Variants in GMCL1 observed in about 807,000 individuals in gnomAD.
GMCL1 encodes the protein germ cell-less 1, spermatogenesis associated, also known as germ cell-less protein-like 1.
Under a neutral mutation model 75.5 loss-of-function variants are expected in GMCL1, and 54 were observed. That is an observed-to-expected ratio of 0.71 (90% CI 0.57 to 0.90). GMCL1 has a LOEUF of 0.90. GMCL1 is among the 40% of genes least tolerant of loss of function. The pLI is 0.00. For missense variants in GMCL1, 537 were observed against 622.7 expected (o/e 0.86, Z 1.47); for synonymous variants, 210 against 209.6 (o/e 1.00, Z -0.02).
chr2:69,845,924 T>C (rs151303546), intron 6 of GMCL1, among the ~76,000 whole-genome samples: 27 of 152,140 alleles, frequency 1.8e-4, no homozygotes, highest in African/African-American at 6.3e-4. Flanking sequence ...AGTCAAACAT[T>C]ACATAGCTTC....
Position 69,851,201 on chromosome 2 carries a change from T to A in GMCL1, c.934+1459T>A, listed in dbSNP as rs148571052. Among the ~76,000 whole-genome samples, 622 of 151,552 alleles carry A rather than the reference T, an allele frequency of 4.1e-3. 5 individuals are homozygous for A. Among genetic ancestry groups the A allele is most frequent in the African/African-American group, 0.014 (596 of 41,312 alleles). ...CCTGTAATCCCAGCACTTTGGGAGG[T>A]CAAGGCAGGAGGCTCACTTGAGACC... On this transcript the variant is annotated intron_variant, in intron 8 of 13. Transcript: ENST00000282570.
chr2:69,858,003 G>A (rs1210032162), intron 9 of GMCL1, among the ~76,000 whole-genome samples: 1 of 152,036 alleles, frequency 6.6e-6, no homozygotes, highest in East Asian at 1.9e-4. Flanking sequence ...CATATTCTTT[G>A]TGTAAAACTA....
intron 1 of GMCL1, among the ~76,000 whole-genome samples, chr2:69,835,708 G>T (rs1023635616): frequency 6.6e-6 from 1 of 152,132 alleles, no homozygotes. Flanking sequence ...CATAGTTAGG[G>T]CCAAACAACC....
At position 69,869,800 on chromosome 2, in the gene GMCL1, A is replaced by G; in HGVS notation, c.1300A>G (p.Asn434Asp). Residue 434 changes from asparagine to aspartate, a missense_variant, in exon 12 of 14, where the codon AAT becomes GAT. Physicochemically the swap from Asn to Asp is conservative, Grantham distance 23 (BLOSUM62 1). Coordinates refer to ENST00000282570, the MANE Select transcript of GMCL1 (RefSeq NM_178439.5). The stretch of plus-strand genomic sequence containing the variant: ...CAATCGATACATCATTTTCAAACGC[A>G]ATACACTGAATCAGCCATGTAGCGG... Reference protein sequence around the residue: ...YTNRYIIFKRNTLNQPCSGSV... With the variant: ...YTNRYIIFKRDTLNQPCSGSV... The G allele has an allele frequency of 1.2e-6, 2 of 1,614,068 alleles. No individual in the cohort carries two copies. Among genetic ancestry groups the G allele is most frequent in the Non-Finnish European group, 1.7e-6 (2 of 1,179,998 alleles).
At position 69,829,968 on chromosome 2, in the gene GMCL1, G is replaced by T. The variant is rs1674621483; in HGVS notation, c.76G>T (p.Gly26Trp). 2 of 1,587,748 alleles carry T rather than the reference G, an allele frequency of 1.3e-6. No individual in the cohort carries two copies. Among genetic ancestry groups the T allele is most frequent in the East Asian group, 2.3e-5 (1 of 43,442 alleles). ...CCAGCAGGCGCAGGGTGCCAGGGCG[G>T]GGGGCTCGGCCCGGAGGCCGGACAC... The part of the protein sequence containing the change: ...LAQQAQGARA[G>W]GSARRPDTGD... Residue 26 changes from glycine to tryptophan, a missense_variant, in exon 1 of 14, where the codon GGG becomes TGG. Gly to Trp is a radical substitution (Grantham distance 184). Transcript: ENST00000282570.
In GMCL1 at chr2:69,869,708, G is replaced by T; in HGVS notation, c.1219-11G>T. ...TAAACTGAAATAAGTCTTCTCTCTTGTATTTTTTAGTACTGCTGGCGTTGG... is the reference window on the plus strand; with the variant it reads ...TAAACTGAAATAAGTCTTCTCTCTTTTATTTTTTAGTACTGCTGGCGTTGG... On this transcript the variant is annotated splice_polypyrimidine_tract_variant and intron_variant, in intron 11 of 13. Coordinates refer to ENST00000282570, the MANE Select transcript of GMCL1 (RefSeq NM_178439.5). 6.2e-7 allele frequency: 1 copy of T among 1,611,670 alleles called. No homozygotes were observed. Among genetic ancestry groups the T allele is most frequent in the Non-Finnish European group, 8.5e-7 (1 of 1,178,974 alleles).
intron 10 of GMCL1, among the ~76,000 whole-genome samples, chr2:69,864,167 A>G (rs35002543): frequency 0.23 from 34,773 of 151,830 alleles, 4,376 homozygotes; most frequent in East Asian, 0.4. Context: ...GATATGTTTT[A>G]TTAGTCTTAT....
rs747155646 is a variant in GMCL1, at chr2:69,864,900, G to A, written c.1143G>A (p.Gly381=). ...GTTCATATTTTATGTATATTTTTAGGCCTCAAGAAATCAATAAAGAAGAAC... is the reference window on the plus strand; with the variant it reads ...GTTCATATTTTATGTATATTTTTAGACCTCAAGAAATCAATAAAGAAGAAC... The part of the protein sequence containing the change: ...MLRAEQDSEV[G]PQEINKEELE... Residue 381 remains glycine (G), a splice_region_variant and synonymous_variant, in exon 11 of 14, where the codon GGG becomes GGA. Coordinates refer to ENST00000282570, the MANE Select transcript of GMCL1 (RefSeq NM_178439.5). 1.0e-5 allele frequency: 16 copies of A among 1,597,772 alleles called. No homozygotes were observed. The African/African-American group carries it at 1.3e-4, about 13-fold the overall frequency.
intron 9 of GMCL1, among the ~76,000 whole-genome samples, chr2:69,859,502 G>T (rs939872352): frequency 4.0e-5 from 6 of 151,560 alleles, no homozygotes; most frequent in African/African-American, 1.2e-4. Context: ...AGTGTATTTA[G>T]GCCAGACATG....
intron 1 of GMCL1, among the ~76,000 whole-genome samples, chr2:69,831,261 A>G (rs1467443252): frequency 2.6e-5 from 4 of 152,210 alleles, no homozygotes; most frequent in Non-Finnish European, 5.9e-5. Context: ...AGGTTTTGCT[A>G]TACAAGTGTT....
At chr2:69,858,401 C>T (rs752353413) in intron 9 of GMCL1, among the ~76,000 whole-genome samples, 6 of 152,140 alleles carry the variant, frequency 3.9e-5, no homozygotes, top group Non-Finnish European at 7.4e-5. Context: ...AAAATTTAGT[C>T]TACTTAGTCA....
intron 1 of GMCL1, among the ~76,000 whole-genome samples, chr2:69,830,375 G>C (rs569372193): frequency 2.3e-4 from 35 of 152,328 alleles, no homozygotes; most frequent in African/African-American, 8.4e-4. Context: ...CGCTTCCAGG[G>C]TGTTGTTACA....
intron 10 of GMCL1, among the ~76,000 whole-genome samples, chr2:69,862,127 A>G (rs2104017835): frequency 6.6e-6 from 1 of 152,362 alleles, no homozygotes; most frequent in African/African-American, 2.4e-5. Flanking sequence ...AAAGATTATT[A>G]TAGTGCTTTG....
rs145768328 is a variant in GMCL1 at position 69,835,768 on chromosome 2, C to T, written c.261-1779C>T. On this transcript the variant is annotated intron_variant, in intron 1 of 13. Transcript: ENST00000282570. ...CTGAAAGATGTTACTGTGTTTCCTTCGAATTTAAAATACTCCACATGCCTC... is the reference window on the plus strand; with the variant it reads ...CTGAAAGATGTTACTGTGTTTCCTTTGAATTTAAAATACTCCACATGCCTC... Among the ~76,000 whole-genome samples the T allele has an allele frequency of 3.3e-5, 5 of 152,250 alleles. No individual in the cohort carries two copies. In the East Asian group the frequency reaches 5.8e-4, roughly 18 times the overall value.
chr2:69,853,265 C>A (rs6711065), intron 8 of GMCL1, among the ~76,000 whole-genome samples: 103,855 of 152,102 alleles, frequency 0.68, 37,092 homozygotes, highest in African/African-American at 0.9. Flanking sequence ...TATTTTTAAA[C>A]TCAAGAGATA....
chr2:69,863,597 T>C (rs1675720492), intron 10 of GMCL1, among the ~76,000 whole-genome samples: 1 of 152,232 alleles, frequency 6.6e-6, no homozygotes, highest in African/African-American at 2.4e-5. Flanking sequence ...TTATTGAAGC[T>C]AGATGGTAAG....
At chr2:69,861,231 G>C in intron 9 of GMCL1, 47 bp from the exon 10 acceptor site, 4 of 1,279,620 alleles carry the variant, frequency 3.1e-6, no homozygotes, top group Non-Finnish European at 4.4e-6. Context: ...AATCCTTTAT[G>C]TTCTTCAGTC....
rs1052725117 is a variant in GMCL1 at position 69,881,170 on chromosome 2, A to T, written c.*2166A>T. The stretch of plus-strand genomic sequence containing the variant: ...TGGTTCTGTCCTGGCCAAGTTGCTT[A>T]TGTCATCCATAGACAGGATAATTCT... On this transcript the variant is annotated 3_prime_UTR_variant, in exon 14 of 14. Coordinates refer to ENST00000282570, the MANE Select transcript of GMCL1 (RefSeq NM_178439.5). 1 of 152,218 alleles carries T rather than the reference A, an allele frequency of 6.6e-6. No individual in the cohort carries two copies. The highest frequency in any genetic ancestry group is 2.4e-5 in the African/African-American group (1 of 41,462). The allele number at this position is 152,218 out of a possible 1,614,324, so 9.4% of individuals were successfully genotyped here.
chr2:69,858,734 T>G (rs1470402266), intron 9 of GMCL1, among the ~76,000 whole-genome samples: 1 of 152,218 alleles, frequency 6.6e-6, no homozygotes, highest in Non-Finnish European at 1.5e-5. Flanking sequence ...AAGTTTGACT[T>G]TTTATTCTTT....
Sources: gnomAD v4.1 joint callset for allele counts (sites outside exome capture counted in the v4.1 genomes callset) on GRCh38, gnomAD v4.1.1 for gene constraint, MANE v1.5 for transcripts, NCBI Gene and HGNC (gene_info 2026-07-23, HGNC 2026-07-21) for gene names.